PGLS: variants seen among roughly 807,000 people sequenced by gnomAD.
The protein encoded by PGLS is 6-phosphogluconolactonase.
PGLS carries 21 observed loss-of-function variants against 23.2 expected under a neutral mutation model. The ratio of observed to expected loss-of-function variants is 0.91; its 90% CI spans 0.64 to 1.31. PGLS has a LOEUF of 1.31. PGLS is among the 50% of genes most tolerant of loss of function. The pLI is 0.00. For synonymous variants in PGLS, 179 were observed against 165.4 expected, an observed-to-expected ratio of 1.08 and a Z score of -0.63; for missense variants, 410 against 354.0, an observed-to-expected ratio of 1.16 and a Z score of -1.27.
chr19:17,515,860 C>A (rs2075529857), intron 1 of PGLS: 1 of 276,744 alleles, frequency 3.6e-6, no homozygotes, highest in East Asian at 7.5e-5. Flanking sequence ...ACCATGATCC[C>A]GATTCACCCA....
rs575677966 is a variant in PGLS at position 17,516,217 on chromosome 19, C to G, written c.333C>G (p.Ile111Met). The change falls in exon 2 of 5, where the codon ATC (isoleucine) becomes ATG (methionine). Residue 111 changes from isoleucine to methionine, a missense_variant. Physicochemically the swap from Ile to Met is conservative, Grantham distance 10. Coordinates refer to ENST00000252603, the MANE Select transcript of PGLS (RefSeq NM_012088.3). ...SRLPIPESQV[I>M]TINPELPVEE... ...TGCCGATCCCAGAAAGCCAGGTGAT[C>G]ACCATTAACCCCGAGCTGCCTGTGG... 6.2e-7 allele frequency: 1 copy of G among 1,613,978 alleles called. No individual in the cohort carries two copies. The highest frequency in any genetic ancestry group is 1.7e-5 in the Admixed American group (1 of 59,996).
chr19:17,512,069 G>A (rs977076232), intron 1 of PGLS, 109 bp downstream of exon 1: 16 of 1,181,524 alleles, frequency 1.4e-5, no homozygotes, highest in Non-Finnish European at 1.8e-5. Context: ...CGCGCCCACT[G>A]TCTGCACCTC....
rs188652224 is a variant in PGLS, at chr19:17,519,414, T to G, written c.640-1530T>G. Among the ~76,000 whole-genome samples, 500 of 152,240 alleles carry G rather than the reference T, an allele frequency of 3.3e-3. 3 individuals carry two copies. Among genetic ancestry groups the G allele is most frequent in the African/African-American group, 0.012 (482 of 41,558 alleles). Reference sequence around the variant, plus strand: ...CAGAAATTGTTTTGTTTGTTTGTTTTTTTGAGACAGCTTCTCACCCTGTCA... The same window carrying G: ...CAGAAATTGTTTTGTTTGTTTGTTTGTTTGAGACAGCTTCTCACCCTGTCA... On this transcript the variant is annotated intron_variant, in intron 4 of 4. Transcript: ENST00000252603.
intron 1 of PGLS, among the ~76,000 whole-genome samples, chr19:17,514,882 C>T (rs1428471663): frequency 6.6e-6 from 1 of 152,126 alleles, no homozygotes; most frequent in Non-Finnish European, 1.5e-5. Flanking sequence ...GAACTCCTGA[C>T]CTCAGGTGAT....
In PGLS at chr19:17,517,778, AC is replaced by A; in HGVS notation, c.568del (p.Leu190TyrfsTer4). On this transcript the variant is annotated frameshift_variant, in exon 4 of 5. Transcript: ENST00000252603. LOFTEE classifies it high-confidence loss of function. The stretch of plus-strand genomic sequence containing the variant: ...CACCGCCACAGCGTGTGACCCTCAC[AC>A]TACCTGTCCTGAATGCAGCACGAAC... Reference protein sequence around the residue: ...KPPPQRVTLTLPVLNAARTVI... With the variant: ...KPPPQRVTLTXPVLNAARTVI... 1 of 1,613,788 alleles carries A rather than the reference AC, an allele frequency of 6.2e-7. No homozygotes were observed. Among genetic ancestry groups the A allele is most frequent in the Non-Finnish European group, 8.5e-7 (1 of 1,179,930 alleles).
At chr19:17,519,751 G>A (rs1319978822) in intron 4 of PGLS, among the ~76,000 whole-genome samples, 1 of 152,120 alleles carries the variant, frequency 6.6e-6, no homozygotes, top group Admixed American at 6.6e-5. Context: ...TATATTGTCT[G>A]CAGCTGTTCT....
At chr19:17,512,308 C>G in intron 1 of PGLS, 1 of 353,144 alleles carries the variant, frequency 2.8e-6, no homozygotes, top group Non-Finnish European at 5.2e-6. Context: ...TGAACCCCGC[C>G]TACAGTGGGT....
intron 1 of PGLS, 63 bp from the exon 2 acceptor site, chr19:17,516,110 A>G: frequency 8.0e-7 from 1 of 1,251,780 alleles, no homozygotes; most frequent in East Asian, 2.4e-5. Context: ...ACTGTCATAA[A>G]CTCCCTGGAG....
At chr19:17,515,999 TCACCAACCAA>T in intron 1 of PGLS, 164 bp from the exon 2 acceptor site, 1 of 542,450 alleles carries the variant, frequency 1.8e-6, no homozygotes, top group Non-Finnish European at 3.4e-6. Context: ...CAGAGGTGAC[TCACCAACCAA>T]AGTGTCACTC....
At chr19:17,518,009 G>GAAAAAAAAAAAAAAAAAAAAAAA (rs67260410) in intron 4 of PGLS, among the ~76,000 whole-genome samples, 159 bp downstream of exon 4, 1 of 136,154 alleles carries the variant, frequency 7.3e-6, no homozygotes, top group Non-Finnish European at 1.6e-5. Flanking sequence ...AGAAAAAAAG[G>GAAAAAAAAAAAAAAAAAAAAAAA]AAAAAAAAAA....
rs991042361 is a variant in PGLS, at chr19:17,513,481, C to T, written c.288+1521C>T. On this transcript the variant is annotated intron_variant, in intron 1 of 4. Transcript: ENST00000252603. ...CCGAGATCATGCCATTACACTCCAC[C>T]CTGGGCGACAGAGTGAGACTGTCTT... Among the ~76,000 whole-genome samples the T allele has an allele frequency of 3.5e-4, 51 of 147,642 alleles. 1 individual carries two copies. The highest frequency in any genetic ancestry group is 1.9e-4 in the Non-Finnish European group (13 of 67,352).
rs1467239607 is a variant in PGLS at position 17,511,943 on chromosome 19, A to G, written c.271A>G (p.Thr91Ala). Residue 91 changes from threonine (T) to alanine (A), a missense_variant, in exon 1 of 5, where the codon ACG (threonine) becomes GCG (alanine). Physicochemically the swap from Thr to Ala is moderately conservative, Grantham distance 58. Transcript: ENST00000252603. ...RLVPFDHAES[T>A]YGLYRTHLLS... is the part of the protein sequence containing the mutation. ...CGTGCCCTTCGATCACGCCGAGAGC[A>G]CGTACGGCCTCTACCGGGTGAGAGC... 2.6e-6 allele frequency: 4 copies of G among 1,550,030 alleles called. No homozygotes were observed. Among genetic ancestry groups the G allele is most frequent in the South Asian group, 1.2e-5 (1 of 84,336 alleles).
At chr19:17,516,932 T>G (rs549729089) in intron 2 of PGLS, among the ~76,000 whole-genome samples, 16 of 151,246 alleles carry the variant, frequency 1.1e-4, no homozygotes, top group Non-Finnish European at 2.4e-4. Flanking sequence ...TCACCTAGGC[T>G]GGAGTGCAGT....
chr19:17,518,089 T>G (rs889085583), intron 4 of PGLS, among the ~76,000 whole-genome samples: 35 of 150,858 alleles, frequency 2.3e-4, no homozygotes, highest in Admixed American at 2.2e-3. Flanking sequence ...ATTGATGAGA[T>G]GAGGCCAAAG....
In PGLS at chr19:17,511,793, T is replaced by C; in HGVS notation, c.121T>C (p.Phe41Leu). The C allele has an allele frequency of 6.7e-7, 1 of 1,499,910 alleles. No individual in the cohort carries two copies. Among genetic ancestry groups the C allele is most frequent in the Non-Finnish European group, 8.8e-7 (1 of 1,130,970 alleles). The allele number at this position is 1,499,910 out of a possible 1,614,324, so 92.9% of individuals were successfully genotyped here. The change falls in exon 1 of 5, where the codon TTC becomes CTC. Residue 41 changes from phenylalanine (F) to leucine (L), a missense_variant. Transcript: ENST00000252603. ...CTGCCTGGCAGGGGCCCGCGCCCGT[T>C]TCGCGCTCGGCCTGTCGGGCGGGAG... ...ACCLAGARARFALGLSGGSLV... is the reference protein window; with the variant it reads ...ACCLAGARARLALGLSGGSLV...
intron 1 of PGLS, 87 bp from the exon 2 acceptor site, chr19:17,516,086 A>T (rs980172635): frequency 5.2e-6 from 5 of 953,582 alleles, no homozygotes; most frequent in South Asian, 1.4e-5. Context: ...TCTGTAAATG[A>T]GTGTTATGAC....
intron 1 of PGLS, chr19:17,513,252 G>A (rs1438691192): frequency 6.6e-6 from 1 of 152,072 alleles, no homozygotes; most frequent in East Asian, 1.9e-4. Context: ...AAAATTGGCT[G>A]GGTGCGGTGG....
intron 2 of PGLS, among the ~76,000 whole-genome samples, chr19:17,516,791 G>T (rs1394461551): frequency 6.6e-6 from 1 of 151,168 alleles, no homozygotes; most frequent in Non-Finnish European, 1.5e-5. Flanking sequence ...GTTTCACCAT[G>T]TTAGCCAGGA....
intron 4 of PGLS, among the ~76,000 whole-genome samples, chr19:17,519,581 G>A (rs1012249295): frequency 6.6e-6 from 1 of 151,858 alleles, no homozygotes; most frequent in Non-Finnish European, 1.5e-5. Context: ...TGTATTTTTA[G>A]TAGAGACAGG....
Sources: allele counts gnomAD v4.1 joint callset (sites outside exome capture counted in the v4.1 genomes callset), GRCh38; gene constraint gnomAD v4.1.1; transcripts MANE v1.5; gene names NCBI Gene and HGNC (gene_info 2026-07-23, HGNC 2026-07-21).